GNA14: variants seen among roughly 807,000 people sequenced by gnomAD.
The protein encoded by GNA14 is guanine nucleotide-binding protein subunit alpha-14.
GNA14 carries 50 observed loss-of-function variants against 42.0 expected under a neutral mutation model. That is an observed-to-expected ratio of 1.19 (90% CI 0.95 to 1.51). The LOEUF is 1.51. Among genes scored for constraint, GNA14 ranks in the 40% most tolerant of loss-of-function variants. The pLI is 0.00. For missense variants in GNA14, 473 were observed against 446.2 expected (o/e 1.06, Z -0.54); for synonymous variants, 173 against 163.1 (o/e 1.06, Z -0.46).
intron 2 of GNA14, among the ~76,000 whole-genome samples, chr9:77,483,752 A>G (rs775612703): frequency 1.3e-5 from 2 of 152,198 alleles, no homozygotes; most frequent in African/African-American, 4.8e-5. Flanking sequence ...AAATCTTTGG[A>G]CTGAAAGAGC....
chr9:77,548,054 G>A (rs902643389), intron 1 of GNA14, among the ~76,000 whole-genome samples: 1 of 152,152 alleles, frequency 6.6e-6, no homozygotes, highest in Non-Finnish European at 1.5e-5. Flanking sequence ...CTATTAATAA[G>A]GAGAAAGTTG....
intron 1 of GNA14, among the ~76,000 whole-genome samples, chr9:77,641,544 C>T (rs1564073730): frequency 6.6e-6 from 1 of 151,070 alleles, no homozygotes; most frequent in Non-Finnish European, 1.5e-5. Context: ...AGAAAATCAC[C>T]AGTTAAATCC....
At chr9:77,580,396 C>T in intron 1 of GNA14, 2 of 310,242 alleles carry the variant, frequency 6.4e-6, no homozygotes, top group South Asian at 4.0e-5. Flanking sequence ...GGGAAAGCTG[C>T]CATTGTGGAG....
intron 2 of GNA14, among the ~76,000 whole-genome samples, chr9:77,448,593 A>G (rs1394557743): frequency 6.6e-6 from 1 of 152,210 alleles, no homozygotes; most frequent in Non-Finnish European, 1.5e-5. Context: ...TGATCCCATC[A>G]TAAGTCTAGG....
intron 1 of GNA14, among the ~76,000 whole-genome samples, chr9:77,644,517 A>C (rs1824324629): frequency 6.6e-6 from 1 of 150,550 alleles, no homozygotes; most frequent in African/African-American, 2.4e-5. Context: ...CACAGTGAGA[A>C]GGCAGCTGTC....
At chr9:77,585,972 A>G (rs1319786440) in intron 1 of GNA14, among the ~76,000 whole-genome samples, 2 of 152,066 alleles carry the variant, frequency 1.3e-5, no homozygotes, top group Admixed American at 1.3e-4. Flanking sequence ...TGTCTGTAAC[A>G]GTATTTCTAT....
intron 2 of GNA14, among the ~76,000 whole-genome samples, chr9:77,461,896 T>C (rs1375956276): frequency 2.6e-5 from 4 of 152,212 alleles, no homozygotes; most frequent in Non-Finnish European, 4.4e-5. Context: ...AATAAGCACA[T>C]GCCTTATTGT....
intron 1 of GNA14, among the ~76,000 whole-genome samples, chr9:77,541,729 C>CT (rs1564049183): frequency 6.6e-6 from 1 of 151,052 alleles, no homozygotes; most frequent in Admixed American, 6.6e-5. Flanking sequence ...TTTGCACTTT[C>CT]TTTTTTCTTT....
intron 1 of GNA14, among the ~76,000 whole-genome samples, chr9:77,546,116 C>T (rs1837716090): frequency 6.8e-6 from 1 of 146,184 alleles, no homozygotes; most frequent in African/African-American, 2.6e-5. Flanking sequence ...ACATGGGAGG[C>T]TGAGGCAGGA....
At chr9:77,517,110 G>A (rs1312782916) in intron 2 of GNA14, among the ~76,000 whole-genome samples, 3 of 152,088 alleles carry the variant, frequency 2.0e-5, no homozygotes, top group Non-Finnish European at 4.4e-5. Context: ...CCCTCTCATC[G>A]CCAAATTTAA....
At chr9:77,593,123 G>A (rs1039242821) in intron 1 of GNA14, among the ~76,000 whole-genome samples, 1 of 152,120 alleles carries the variant, frequency 6.6e-6, no homozygotes, top group African/African-American at 2.4e-5. Context: ...AGATTCATAT[G>A]CAGGAAAAAC....
At chr9:77,574,499 T>C (rs1348048535) in intron 1 of GNA14, among the ~76,000 whole-genome samples, 3 of 152,192 alleles carry the variant, frequency 2.0e-5, no homozygotes, top group Non-Finnish European at 4.4e-5. Flanking sequence ...CAACTTGAAA[T>C]TCATATATTA....
At chr9:77,516,122 G>A (rs983271287) in intron 2 of GNA14, among the ~76,000 whole-genome samples, 11 of 152,042 alleles carry the variant, frequency 7.2e-5, no homozygotes, top group African/African-American at 2.4e-4. Flanking sequence ...CTTTACTCAA[G>A]GATCTCCTTC....
chr9:77,640,883 A>C (rs1824247541), intron 1 of GNA14, among the ~76,000 whole-genome samples: 2 of 148,560 alleles, frequency 1.3e-5, no homozygotes, highest in East Asian at 2.0e-4. Flanking sequence ...AAAAAAAAAA[A>C]AAAAAAAAAC....
At chr9:77,500,564 C>G (rs939398279) in intron 2 of GNA14, among the ~76,000 whole-genome samples, 22 of 152,266 alleles carry the variant, frequency 1.4e-4, no homozygotes, top group African/African-American at 5.3e-4. Context: ...CCACAGAATC[C>G]TTCATGTTGC....
intron 1 of GNA14, among the ~76,000 whole-genome samples, chr9:77,546,316 C>T (rs1416106756): frequency 1.3e-5 from 2 of 151,862 alleles, no homozygotes; most frequent in South Asian, 2.1e-4. Context: ...TCAGAGCGGC[C>T]TCTCCCAATA....
At chr9:77,552,337 A>C (rs1837796842) in intron 1 of GNA14, among the ~76,000 whole-genome samples, 1 of 152,092 alleles carries the variant, frequency 6.6e-6, no homozygotes, top group Non-Finnish European at 1.5e-5. Context: ...CTGAGAAAAT[A>C]ATCTGGAAAT....
At chr9:77,549,126 G>A (rs969785368) in intron 1 of GNA14, among the ~76,000 whole-genome samples, 1 of 152,070 alleles carries the variant, frequency 6.6e-6, no homozygotes, top group Non-Finnish European at 1.5e-5. Flanking sequence ...GCAGAGACAG[G>A]GTTTCACCAT....
intron 2 of GNA14, among the ~76,000 whole-genome samples, chr9:77,487,714 T>C (rs960531119): frequency 2.6e-5 from 4 of 152,166 alleles, no homozygotes; most frequent in African/African-American, 9.7e-5. Context: ...TTTTGGTTCA[T>C]TAAGAATTGT....
Sources: allele counts gnomAD v4.1 joint callset (sites outside exome capture counted in the v4.1 genomes callset), GRCh38; gene constraint gnomAD v4.1.1; transcripts MANE v1.5; gene names NCBI Gene and HGNC (gene_info 2026-07-23, HGNC 2026-07-21).